RANBP9: variants seen among roughly 807,000 people sequenced by gnomAD.
RANBP9 encodes the protein RAN binding protein 9.
A neutral mutation model predicts 84.3 loss-of-function variants in RANBP9; 15 were observed. The ratio of observed to expected loss-of-function variants is 0.18; its 90% CI spans 0.12 to 0.27. RANBP9 has a LOEUF of 0.27. Ranked by LOEUF, RANBP9 falls within the 10% of genes least tolerant of loss-of-function variation. The probability of loss-of-function intolerance (pLI) is 1.00; values close to 1 mark genes in which losing one functional copy is unlikely to be tolerated. For missense variants in RANBP9, 809 were observed against 912.8 expected, an observed-to-expected ratio of 0.89 and a Z score of 1.46; for synonymous variants, 392 against 349.6, an observed-to-expected ratio of 1.12 and a Z score of -1.35.
intron 2 of RANBP9, among the ~76,000 whole-genome samples, chr6:13,668,326 C>T (rs2113302559): frequency 6.6e-6 from 1 of 152,102 alleles, no homozygotes; most frequent in African/African-American, 2.4e-5. Flanking sequence ...ATTAATCTTT[C>T]CCAGACTCTT....
chr6:13,670,030 C>T (rs570138856), intron 2 of RANBP9, among the ~76,000 whole-genome samples: 1 of 152,030 alleles, frequency 6.6e-6, no homozygotes, highest in African/African-American at 2.4e-5. Context: ...TGGCTCAAGT[C>T]TATAATCCCC....
intron 1 of RANBP9, among the ~76,000 whole-genome samples, chr6:13,702,877 C>T (rs1282587894): frequency 1.3e-5 from 2 of 152,080 alleles, no homozygotes; most frequent in African/African-American, 2.4e-5. Context: ...GGTTTTTGCC[C>T]CATCACTCAA....
chr6:13,642,898 G>A (rs924041089), intron 6 of RANBP9, among the ~76,000 whole-genome samples: 4 of 151,966 alleles, frequency 2.6e-5, no homozygotes, highest in Non-Finnish European at 5.9e-5. Flanking sequence ...TTACCCCCAG[G>A]TCCCTTCCTA....
chr6:13,646,363 T>C lies in RANBP9; in HGVS notation c.928-1634A>G, dbSNP rs148753955. Among the ~76,000 whole-genome samples the C allele has an allele frequency of 2.7e-3, 410 of 152,274 alleles. 2 individuals are homozygous for C. Among genetic ancestry groups the C allele is most frequent in the African/African-American group, 9.6e-3 (399 of 41,556 alleles). On this transcript the variant is annotated intron_variant, in intron 5 of 13. Coordinates refer to ENST00000011619, the MANE Select transcript of RANBP9 (RefSeq NM_005493.3). ...TGGGGAGGTTCTGGTGAGCCGAGAT[T>C]GTGCCACTGCATTCCAGCCTGGGCA... is the stretch of plus-strand genomic sequence containing the variant.
chr6:13,705,249 C>T (rs2113370009), intron 1 of RANBP9, among the ~76,000 whole-genome samples: 1 of 151,528 alleles, frequency 6.6e-6, no homozygotes, highest in African/African-American at 2.4e-5. Flanking sequence ...ACTAAATATA[C>T]AAAAATTAGC....
chr6:13,681,617 A>T (rs1351017181), intron 2 of RANBP9, among the ~76,000 whole-genome samples: 5 of 152,056 alleles, frequency 3.3e-5, no homozygotes, highest in African/African-American at 7.2e-5. Flanking sequence ...TAGATAAAAT[A>T]AAAAAATTCA....
intron 2 of RANBP9, among the ~76,000 whole-genome samples, chr6:13,687,975 AGC>A (rs1766229179): frequency 6.6e-6 from 1 of 152,234 alleles, no homozygotes; most frequent in East Asian, 1.9e-4. Flanking sequence ...CAGCAGTGGC[AGC>A]AGCCAGCAGC....
At chr6:13,686,103 C>G (rs1241788199) in intron 2 of RANBP9, among the ~76,000 whole-genome samples, 1 of 4,110 alleles carries the variant, frequency 2.4e-4, no homozygotes, top group Non-Finnish European at 9.6e-4. Flanking sequence ...AATTTCTTCC[C>G]CCCCCCCCCC....
chr6:13,671,760 T>C (rs1765784284), intron 2 of RANBP9, among the ~76,000 whole-genome samples: 1 of 152,038 alleles, frequency 6.6e-6, no homozygotes, highest in Non-Finnish European at 1.5e-5. Context: ...AAAGGGTGAA[T>C]ATGTACATGA....
At chr6:13,685,172 C>T (rs909551583) in intron 2 of RANBP9, among the ~76,000 whole-genome samples, 8 of 151,990 alleles carry the variant, frequency 5.3e-5, no homozygotes, top group Admixed American at 3.3e-4. Flanking sequence ...ATCTTTCCTA[C>T]GGAAATAAAG....
intron 4 of RANBP9, among the ~76,000 whole-genome samples, chr6:13,656,475 T>C (rs1045303613): frequency 3.9e-5 from 6 of 152,196 alleles, no homozygotes; most frequent in Non-Finnish European, 7.3e-5. Flanking sequence ...TATGAGTACA[T>C]GAATAGTCCA....
At position 13,656,381 on chromosome 6, in the gene RANBP9, C is replaced by G. The variant is rs1451603458; in HGVS notation, c.904+728G>C. 3.3e-5 allele frequency among the ~76,000 whole-genome samples: 5 copies of G among 149,358 alleles called. No individual in the cohort carries two copies. In the East Asian group the frequency reaches 9.7e-4, roughly 29 times the overall value. On this transcript the variant is annotated intron_variant, in intron 4 of 13. Coordinates refer to ENST00000011619, the MANE Select transcript of RANBP9 (RefSeq NM_005493.3). ...AAACAAAAAGCATCAGTGTTATTATCCTTTATATTTTCTATAGTTTAAAAA... is the reference window on the plus strand; with the variant it reads ...AAACAAAAAGCATCAGTGTTATTATGCTTTATATTTTCTATAGTTTAAAAA...
chr6:13,699,403 T>C (rs1757914575), intron 1 of RANBP9, among the ~76,000 whole-genome samples: 1 of 152,186 alleles, frequency 6.6e-6, no homozygotes, highest in Admixed American at 6.5e-5. Flanking sequence ...GATTATAAGG[T>C]TTCATATTAT....
intron 5 of RANBP9, among the ~76,000 whole-genome samples, chr6:13,647,480 T>C (rs753872458): frequency 6.6e-6 from 1 of 152,150 alleles, no homozygotes; most frequent in Non-Finnish European, 1.5e-5. Context: ...ATGAAAAATG[T>C]ATATATGGAC....
chr6:13,672,404 T>G (rs1175737237), intron 2 of RANBP9, among the ~76,000 whole-genome samples: 1 of 151,876 alleles, frequency 6.6e-6, no homozygotes, highest in African/African-American at 2.4e-5. Context: ...ACTGAGAAAA[T>G]TACAAGAAAT....
intron 5 of RANBP9, among the ~76,000 whole-genome samples, chr6:13,645,836 G>A (rs988298981): frequency 2.6e-5 from 4 of 152,254 alleles, no homozygotes; most frequent in African/African-American, 2.4e-5. Flanking sequence ...TAATTTCTGT[G>A]TGAATATGTT....
intron 2 of RANBP9, among the ~76,000 whole-genome samples, chr6:13,664,358 A>T (rs563955661): frequency 6.6e-6 from 1 of 152,276 alleles, no homozygotes; most frequent in South Asian, 2.1e-4. Flanking sequence ...ACGTAAATAA[A>T]TGGCAAAACA....
rs1426875012 is a variant in RANBP9, at chr6:13,632,496, G to C, written c.1821C>G (p.Arg607=). 1.2e-6 allele frequency: 2 copies of C among 1,613,418 alleles called. No individual in the cohort carries two copies. The highest frequency in any genetic ancestry group is 4.5e-5 in the East Asian group (2 of 44,894). Residue 607 remains arginine (R), a synonymous_variant, in exon 12 of 14, where the codon CGC becomes CGG. Transcript: ENST00000011619. ...CGGCCTGACTTCCTCCACACAACTGGCGTCTCAACTGACTTGAATCAACTT... is the reference window on the plus strand; with the variant it reads ...CGGCCTGACTTCCTCCACACAACTGCCGTCTCAACTGACTTGAATCAACTT... ...EMEVDSSQLR[R]QLCGGSQAAI... is the part of the protein sequence containing the mutation.
At chr6:13,664,664 A>G (rs1476924869) in intron 2 of RANBP9, among the ~76,000 whole-genome samples, 1 of 152,148 alleles carries the variant, frequency 6.6e-6, no homozygotes, top group Non-Finnish European at 1.5e-5. Flanking sequence ...TATTTAAGGT[A>G]ACAGATACCC....
Sources: gnomAD v4.1 joint callset for allele counts (sites outside exome capture counted in the v4.1 genomes callset) on GRCh38, gnomAD v4.1.1 for gene constraint, MANE v1.5 for transcripts, NCBI Gene and HGNC (gene_info 2026-07-23, HGNC 2026-07-21) for gene names.